The following BRI3 variants were observed in gnomAD, a reference collection of about 807,000 sequenced individuals.
The protein encoded by BRI3 is brain protein I3.
BRI3 carries 6 observed loss-of-function variants against 12.8 expected under a neutral mutation model. That is an observed-to-expected ratio of 0.47 (90% CI 0.26 to 0.93). The LOEUF (loss-of-function observed/expected upper bound fraction) is 0.93. BRI3 is among the 40% of genes least tolerant of loss of function. BRI3 has a pLI of 0.15. For synonymous variants in BRI3, 91 were observed against 76.1 expected (o/e 1.20, Z -1.02); for missense variants, 134 against 171.1 (o/e 0.78, Z 1.21).
At chr7:98,299,762 C>A (rs374385052) in intron 1 of BRI3, among the ~76,000 whole-genome samples, 1 of 152,154 alleles carries the variant, frequency 6.6e-6, no homozygotes, top group Non-Finnish European at 1.5e-5. Context: ...TAAAATTTGC[C>A]GGGCGCAGTG....
chr7:98,300,335 G>A (rs1055508348), intron 1 of BRI3, among the ~76,000 whole-genome samples: 55 of 152,278 alleles, frequency 3.6e-4, no homozygotes, highest in African/African-American at 1.1e-3. Flanking sequence ...CTGCGCTCCC[G>A]GAACTCCTGA....
chr7:98,291,047 G>A, intron 2 of BRI3, 64 bp from the exon 3 acceptor site: 1 of 1,589,608 alleles, frequency 6.3e-7, no homozygotes, highest in African/African-American at 1.3e-5. Context: ...AAGGGTGGCA[G>A]GGGTGAGGGT....
chr7:98,320,674 G>C, the BRI3 span, among the ~76,000 whole-genome samples: 2 of 152,124 alleles, frequency 1.3e-5, no homozygotes, highest in Non-Finnish European at 2.9e-5. Context: ...AAGTGAAACA[G>C]AACAGGGAAA....
downstream of BRI3, chr7:98,312,203 T>C (rs750823235): frequency 1.9e-6 from 3 of 1,614,170 alleles, no homozygotes; most frequent in Non-Finnish European, 2.5e-6. Flanking sequence ...CTCTGGCACT[T>C]TGATGGCATC....
At chr7:98,293,926 A>G, downstream of BRI3, 1 of 927,956 alleles carries the variant, frequency 1.1e-6, no homozygotes, top group Non-Finnish European at 1.7e-6. Flanking sequence ...TGGTAAAGCG[A>G]GCAGGGGGCT....
chr7:98,292,789 C>T, downstream of BRI3: 2 of 1,543,160 alleles, frequency 1.3e-6, no homozygotes, highest in Non-Finnish European at 8.8e-7. Context: ...GGAGCCGTGA[C>T]TCCGACGCCC....
downstream of BRI3, among the ~76,000 whole-genome samples, chr7:98,296,775 C>A (rs953750725): frequency 6.6e-6 from 1 of 152,228 alleles, no homozygotes; most frequent in Admixed American, 6.5e-5. Context: ...CTGGCAGGAG[C>A]CTCTCTGCCT....
At chr7:98,295,095 A>G (rs1800131072), downstream of BRI3, among the ~76,000 whole-genome samples, 1 of 152,196 alleles carries the variant, frequency 6.6e-6, no homozygotes, top group Non-Finnish European at 1.5e-5. Flanking sequence ...AGGGGGTCTC[A>G]GGGAGCACGC....
chr7:98,293,600 C>T, downstream of BRI3: 1 of 1,612,822 alleles, frequency 6.2e-7, no homozygotes. Flanking sequence ...TTCTCCGCTG[C>T]AGGGGATAAG....
chr7:98,306,432 GGGCT>G, upstream of BRI3: 1 of 1,614,184 alleles, frequency 6.2e-7, no homozygotes, highest in East Asian at 2.2e-5. Context: ...GCCACGTTCA[GGGCT>G]ACCTTGGCGT....
chr7:98,295,609 G>A (rs1175797828), downstream of BRI3, among the ~76,000 whole-genome samples: 4 of 152,094 alleles, frequency 2.6e-5, no homozygotes, highest in Admixed American at 1.3e-4. Flanking sequence ...CCTGAGGCAC[G>A]ATTCATGCCA....
chr7:98,297,243 A>T (rs1219608638), downstream of BRI3, among the ~76,000 whole-genome samples: 1 of 152,216 alleles, frequency 6.6e-6, no homozygotes, highest in Non-Finnish European at 1.5e-5. Context: ...ACACTGGCTG[A>T]CCACCCATCA....
chr7:98,306,680 T>C (rs1800669284), intron 1 of BRI3: 1 of 991,472 alleles, frequency 1.0e-6, no homozygotes, highest in African/African-American at 1.6e-5. Flanking sequence ...ATATGGACTT[T>C]CACATACACT....
intron 2 of BRI3, among the ~76,000 whole-genome samples, chr7:98,290,048 A>G (rs1349169714): frequency 1.3e-5 from 2 of 151,696 alleles, no homozygotes; most frequent in Non-Finnish European, 2.9e-5. Flanking sequence ...CCATTAACCC[A>G]CCCCCGCTAC....
exon 2 of BRI3, chr7:98,309,527 T>C (rs984832800): frequency 2.0e-5 from 3 of 152,196 alleles, no homozygotes; most frequent in Non-Finnish European, 4.4e-5. Context: ...GCACAGAGTA[T>C]TACATACTTT....
At chr7:98,312,856 C>T (rs932703990), downstream of BRI3, among the ~76,000 whole-genome samples, 3 of 152,180 alleles carry the variant, frequency 2.0e-5, no homozygotes, top group African/African-American at 7.2e-5. Context: ...ACCCGCAACC[C>T]TGGAGGCAGA....
downstream of BRI3, chr7:98,312,268 C>A: frequency 6.3e-7 from 1 of 1,599,000 alleles, no homozygotes; most frequent in Non-Finnish European, 8.5e-7. Context: ...CTGCAGACTG[C>A]AAAGCCAAAA....
intron 1 of BRI3, among the ~76,000 whole-genome samples, chr7:98,299,822 C>T (rs1038969165): frequency 2.0e-5 from 3 of 152,106 alleles, no homozygotes; most frequent in Non-Finnish European, 4.4e-5. Context: ...GGGAGGATCA[C>T]CTGAGATCAG....
At chr7:98,289,328 A>C (rs1345682624) in intron 2 of BRI3, among the ~76,000 whole-genome samples, 1 of 152,252 alleles carries the variant, frequency 6.6e-6, no homozygotes, top group Non-Finnish European at 1.5e-5. Context: ...TCCCCGGAGA[A>C]GCAGGGAACA....
Sources: allele counts gnomAD v4.1 joint callset (sites outside exome capture counted in the v4.1 genomes callset), GRCh38; gene constraint gnomAD v4.1.1; transcripts MANE v1.5; gene names NCBI Gene and HGNC (gene_info 2026-07-23, HGNC 2026-07-21).